Variants in PREP observed in about 807,000 individuals in gnomAD.
The protein encoded by PREP is prolyl endopeptidase.
PREP carries 29 observed loss-of-function variants against 87.6 expected under a neutral mutation model. That is an observed-to-expected ratio of 0.33 (90% CI 0.25 to 0.45). The LOEUF (loss-of-function observed/expected upper bound fraction) is 0.45, where lower values mean the gene tolerates loss of function less well. Ranked by LOEUF, PREP falls within the 20% of genes least tolerant of loss-of-function variation. The probability of loss-of-function intolerance (pLI) is 1.00; values close to 1 mark genes in which losing one functional copy is unlikely to be tolerated. For missense variants in PREP, 695 were observed against 886.5 expected (o/e 0.78, Z 2.74); for synonymous variants, 337 against 328.6 (o/e 1.03, Z -0.28).
intron 2 of PREP, among the ~76,000 whole-genome samples, chr6:105,381,916 T>C (rs1772850023): frequency 6.6e-6 from 1 of 152,156 alleles, no homozygotes; most frequent in Non-Finnish European, 1.5e-5. Flanking sequence ...AAAGAAAAGC[T>C]ATTTGGAAAG....
intron 10 of PREP, among the ~76,000 whole-genome samples, chr6:105,316,149 C>T (rs1175438729): frequency 6.6e-6 from 1 of 152,220 alleles, no homozygotes; most frequent in African/African-American, 2.4e-5. Flanking sequence ...TTTTGACATA[C>T]CTTCCTCACT....
At chr6:105,344,569 C>G (rs1227080282) in intron 7 of PREP, among the ~76,000 whole-genome samples, 3 of 151,312 alleles carry the variant, frequency 2.0e-5, no homozygotes, top group Admixed American at 2.0e-4. Context: ...TCTCACCAAA[C>G]TATCGCAAAG....
intron 12 of PREP, among the ~76,000 whole-genome samples, 184 bp downstream of exon 12, chr6:105,285,302 G>A (rs532025278): frequency 6.6e-6 from 1 of 152,300 alleles, no homozygotes; most frequent in Admixed American, 6.5e-5. Flanking sequence ...AAAATAAAAT[G>A]TGAAAAGTGA....
chr6:105,399,829 C>A (rs556929987), intron 1 of PREP, among the ~76,000 whole-genome samples: 60 of 152,156 alleles, frequency 3.9e-4, no homozygotes, highest in Non-Finnish European at 6.9e-4. Context: ...TGCCCAGAAC[C>A]ATATCAAGTT....
intron 2 of PREP, among the ~76,000 whole-genome samples, chr6:105,389,327 G>A (rs966155870): frequency 2.6e-5 from 4 of 151,698 alleles, no homozygotes; most frequent in African/African-American, 7.3e-5. Context: ...AGCTTGCTAC[G>A]GTCATAGAAC....
chr6:105,366,805 C>T (rs147562588), intron 6 of PREP, among the ~76,000 whole-genome samples: 200 of 152,276 alleles, frequency 1.3e-3, no homozygotes, highest in African/African-American at 4.4e-3. Flanking sequence ...GAAGATGTTA[C>T]GCTAAATGAA....
In PREP at chr6:105,382,222, A is replaced by G. The variant is rs540786085; in HGVS notation, c.121-4703T>C. 1.1e-4 allele frequency among the ~76,000 whole-genome samples: 17 copies of G among 151,846 alleles called. 1 individual carries two copies. The South Asian group carries it at 3.5e-3, about 32-fold the overall frequency. Reference sequence around the variant, plus strand: ...AATAAGTTCAAGAGATCTATTGTACAACATGGTAACTGCCTGAAAATTGCT... The same window carrying G: ...AATAAGTTCAAGAGATCTATTGTACGACATGGTAACTGCCTGAAAATTGCT... On this transcript the variant is annotated intron_variant, in intron 2 of 14. Coordinates refer to ENST00000652536, the MANE Select transcript of PREP (RefSeq NM_002726.5).
intron 8 of PREP, among the ~76,000 whole-genome samples, chr6:105,330,935 C>T (rs985546699): frequency 2.6e-5 from 4 of 152,158 alleles, no homozygotes; most frequent in Admixed American, 2.6e-4. Flanking sequence ...AATCAGGCAA[C>T]ATATTTCATG....
At chr6:105,376,334 C>A in intron 3 of PREP, 79 bp from the exon 4 acceptor site, 3 of 1,508,790 alleles carry the variant, frequency 2.0e-6, no homozygotes, top group Non-Finnish European at 1.8e-6. Flanking sequence ...CAAGCAAAAA[C>A]CAAAACAAAA....
chr6:105,322,938 A>G (rs1052414746), intron 10 of PREP: 61 of 1,234,400 alleles, frequency 4.9e-5, no homozygotes, highest in East Asian at 2.3e-4. Context: ...TTCACAAACA[A>G]TGTTCTGATT....
At chr6:105,350,125 T>G (rs764316672) in intron 7 of PREP, among the ~76,000 whole-genome samples, 24 of 152,130 alleles carry the variant, frequency 1.6e-4, no homozygotes, top group Non-Finnish European at 3.5e-4. Context: ...TTTTTTTGTT[T>G]TGTTTTTTTG....
chr6:105,368,854 A>G, intron 6 of PREP, 49 bp downstream of exon 6: 2 of 1,603,674 alleles, frequency 1.2e-6, no homozygotes, highest in Non-Finnish European at 1.7e-6. Context: ...TTATACACAC[A>G]TCCATGAAAC....
At chr6:105,305,334 T>C (rs1223746999) in intron 10 of PREP, among the ~76,000 whole-genome samples, 1 of 151,864 alleles carries the variant, frequency 6.6e-6, no homozygotes, top group Non-Finnish European at 1.5e-5. Context: ...TTCATGGCAG[T>C]GTGGGGGATT....
intron 2 of PREP, among the ~76,000 whole-genome samples, chr6:105,386,912 G>A (rs559586253): frequency 1.8e-4 from 27 of 152,214 alleles, no homozygotes; most frequent in Admixed American, 1.7e-3. Flanking sequence ...AAACATGGTG[G>A]GGGAAAAAAA....
intron 7 of PREP, among the ~76,000 whole-genome samples, chr6:105,333,915 T>C (rs932496582): frequency 3.3e-5 from 5 of 152,086 alleles, no homozygotes; most frequent in Non-Finnish European, 7.4e-5. Flanking sequence ...CCAGGCAACA[T>C]CTGAAAATGT....
At chr6:105,329,199 C>T (rs1771255824) in intron 8 of PREP, among the ~76,000 whole-genome samples, 173 bp from the exon 9 acceptor site, 1 of 150,984 alleles carries the variant, frequency 6.6e-6, no homozygotes, top group African/African-American at 2.4e-5. Flanking sequence ...GTCGCCCAGG[C>T]TTGAGTACAG....
chr6:105,374,618 A>G (rs1772637966), intron 4 of PREP, among the ~76,000 whole-genome samples: 1 of 118,774 alleles, frequency 8.4e-6, no homozygotes, highest in African/African-American at 3.0e-5. Flanking sequence ...ATAGCACTGG[A>G]GTGTTTGAAT....
chr6:105,390,873 C>T (rs1490924521), intron 2 of PREP, among the ~76,000 whole-genome samples: 3 of 152,032 alleles, frequency 2.0e-5, no homozygotes, highest in Non-Finnish European at 2.9e-5. Context: ...CCCCAGCGAT[C>T]GGAGAGATGC....
chr6:105,298,694 C>G (rs117209467), intron 10 of PREP: 191 of 154,990 alleles, frequency 1.2e-3, no homozygotes, highest in Middle Eastern at 3.3e-3. Flanking sequence ...GAGACCTGCA[C>G]CAGTGTTGCC....
Sources: allele counts gnomAD v4.1 joint callset (sites outside exome capture counted in the v4.1 genomes callset), GRCh38; gene constraint gnomAD v4.1.1; transcripts MANE v1.5; gene names NCBI Gene and HGNC (gene_info 2026-07-23, HGNC 2026-07-21).